The following DCAF8L2 variants were observed in gnomAD, a reference collection of about 807,000 sequenced individuals.
DCAF8L2 encodes DDB1- and CUL4-associated factor 8-like protein 2.
For synonymous variants in DCAF8L2, 200 were observed against 190.9 expected (o/e 1.05, Z -0.39); for missense variants, 430 against 490.7 (o/e 0.88, Z 1.17).
chrX:27,564,410 T>TGCTGA, the DCAF8L2 span, among the ~76,000 whole-genome samples: 1 of 111,136 alleles, frequency 9.0e-6, no homozygotes, highest in Non-Finnish European at 1.9e-5. Flanking sequence ...TTCTGAAAAT[T>TGCTGA]TTGAATTTCA....
the DCAF8L2 span, among the ~76,000 whole-genome samples, chrX:27,533,817 A>C: frequency 8.9e-6 from 1 of 112,464 alleles, no homozygotes; most frequent in African/African-American, 3.2e-5. Flanking sequence ...TGTAATTCTG[A>C]ATTGCATATT....
At chrX:27,540,059 A>G in the DCAF8L2 span, among the ~76,000 whole-genome samples, 4 of 110,386 alleles carry the variant, frequency 3.6e-5, no homozygotes, top group Admixed American at 9.7e-5. Flanking sequence ...TCTCTTCCTA[A>G]TCGCTGTTTC....
At position 27,659,475 on chromosome X, in the gene DCAF8L2, C is replaced by T. The variant is rs752549051; in HGVS notation, c.-219-18361C>T. ...ACATATTACCTCCTATCTCCATCCT[C>T]CTATAGAATGGATTTTCACATATAT... On this transcript the variant is annotated intron_variant, in intron 2 of 4. Coordinates refer to ENST00000451261, the MANE Select transcript of DCAF8L2 (RefSeq NM_001353450.2). Among the ~76,000 whole-genome samples the T allele has an allele frequency of 9.0e-5, 10 of 111,681 alleles. No individual in the cohort carries two copies. The South Asian group carries it at 3.8e-3, about 42-fold the overall frequency.
chrX:27,486,798 A>C, the DCAF8L2 span, among the ~76,000 whole-genome samples: 2 of 111,216 alleles, frequency 1.8e-5, no homozygotes, highest in Non-Finnish European at 3.8e-5. Flanking sequence ...CCAGGCTGTC[A>C]CTCTCAATTT....
At chrX:27,697,347 C>A (rs993486160) in intron 3 of DCAF8L2, among the ~76,000 whole-genome samples, 13 of 111,538 alleles carry the variant, frequency 1.2e-4, no homozygotes, top group Non-Finnish European at 2.3e-4. Flanking sequence ...ATATGTATAG[C>A]CTTTACATAA....
the DCAF8L2 span, among the ~76,000 whole-genome samples, chrX:27,511,357 T>G: frequency 1.8e-5 from 2 of 111,149 alleles, no homozygotes; most frequent in African/African-American, 3.3e-5. Context: ...ATACACAGAT[T>G]GAAATTTTTC....
the DCAF8L2 span, among the ~76,000 whole-genome samples, chrX:27,560,996 C>A: frequency 1.8e-5 from 2 of 112,277 alleles, no homozygotes; most frequent in African/African-American, 6.5e-5. Flanking sequence ...CTTTTCAAAG[C>A]TGGCAGCCTT....
chrX:27,533,441 T>A, the DCAF8L2 span, among the ~76,000 whole-genome samples: 2 of 110,056 alleles, frequency 1.8e-5, no homozygotes, highest in African/African-American at 6.6e-5. Context: ...TAAAAAAAAA[T>A]TAGATTAGTA....
chrX:27,529,564 G>C, the DCAF8L2 span, among the ~76,000 whole-genome samples: 11 of 111,655 alleles, frequency 9.9e-5, no homozygotes, highest in Non-Finnish European at 1.7e-4. Context: ...TTGCAAGCAA[G>C]AATGAAAAAA....
At chrX:27,675,882 T>C (rs1013867073) in intron 2 of DCAF8L2, among the ~76,000 whole-genome samples, 10 of 112,291 alleles carry the variant, frequency 8.9e-5, no homozygotes, top group Non-Finnish European at 1.9e-4. Context: ...GTGGACATAG[T>C]TATCACAGCA....
At chrX:27,511,536 A>G in the DCAF8L2 span, among the ~76,000 whole-genome samples, 48,483 of 110,908 alleles carry the variant, frequency 0.44, 8,921 homozygotes, top group South Asian at 0.68. Context: ...TAAATTATCA[A>G]TGCTTTAAAG....
chrX:27,533,164 GAGAA>G, the DCAF8L2 span, among the ~76,000 whole-genome samples: 1,058 of 17,180 alleles, frequency 0.062, 40 homozygotes, highest in East Asian at 0.13. Flanking sequence ...GAGAGAGAGA[GAGAA>G]AGAAAGAAAG....
At chrX:27,488,944 T>TA in the DCAF8L2 span, among the ~76,000 whole-genome samples, 1 of 111,341 alleles carries the variant, frequency 9.0e-6, no homozygotes, top group Non-Finnish European at 1.9e-5. Context: ...ATGGATACAC[T>TA]AAAAATGAAA....
chrX:27,529,778 C>T, the DCAF8L2 span, among the ~76,000 whole-genome samples: 1 of 111,883 alleles, frequency 8.9e-6, no homozygotes, highest in East Asian at 2.8e-4. Flanking sequence ...AATTATATCA[C>T]AGTAAGTATC....
the DCAF8L2 span, among the ~76,000 whole-genome samples, chrX:27,499,193 T>G: frequency 8.9e-6 from 1 of 112,379 alleles, no homozygotes; most frequent in Non-Finnish European, 1.9e-5. Context: ...CCATAAACAG[T>G]GTACAAGGGT....
chrX:27,685,396 C>T (rs1466398753), intron 3 of DCAF8L2, among the ~76,000 whole-genome samples: 1 of 111,344 alleles, frequency 9.0e-6, no homozygotes, highest in Non-Finnish European at 1.9e-5. Flanking sequence ...CAATTTCATT[C>T]AATTACTGTA....
At chrX:27,514,436 A>G in the DCAF8L2 span, among the ~76,000 whole-genome samples, 1 of 108,740 alleles carries the variant, frequency 9.2e-6, no homozygotes, top group Non-Finnish European at 1.9e-5. Context: ...TTGGGAGGCC[A>G]AGGCAGGCGG....
intron 3 of DCAF8L2, among the ~76,000 whole-genome samples, chrX:27,704,165 T>C (rs866453060): frequency 2.8e-5 from 2 of 71,639 alleles, no homozygotes; most frequent in East Asian, 4.0e-4. Context: ...TATATATATA[T>C]ATATATATAC....
At chrX:27,496,870 A>G in the DCAF8L2 span, among the ~76,000 whole-genome samples, 1 of 112,512 alleles carries the variant, frequency 8.9e-6, no homozygotes, top group African/African-American at 3.2e-5. Context: ...GAAAGTTACC[A>G]TTTATGAAAA....
Sources: gnomAD v4.1 joint callset for allele counts (sites outside exome capture counted in the v4.1 genomes callset) on GRCh38, gnomAD v4.1.1 for gene constraint, MANE v1.5 for transcripts, NCBI Gene and HGNC (gene_info 2026-07-23, HGNC 2026-07-21) for gene names.